Variants in PPP2R2C observed in about 807,000 individuals in gnomAD.
The protein encoded by PPP2R2C is protein phosphatase 2 regulatory subunit Bgamma, also known as protein phosphatase 2, regulatory subunit B, gamma.
PPP2R2C carries 10 observed loss-of-function variants against 45.3 expected under a neutral mutation model. The observed-to-expected ratio is 0.22, with a 90% confidence interval of 0.14 to 0.37. PPP2R2C has a LOEUF of 0.37. Ranked by LOEUF, PPP2R2C falls within the 10% of genes least tolerant of loss-of-function variation. PPP2R2C has a pLI of 1.00. For missense variants in PPP2R2C, 308 were observed against 619.7 expected (o/e 0.50, Z 5.34); for synonymous variants, 257 against 245.4 (o/e 1.05, Z -0.44).
intron 1 of PPP2R2C, among the ~76,000 whole-genome samples, chr4:6,559,430 C>G (rs960575260): frequency 3.7e-4 from 54 of 144,966 alleles, no homozygotes; most frequent in African/African-American, 1.3e-3. Context: ...CACACACACA[C>G]AGAACAGAGG....
chr4:6,407,482 C>T (rs552100404), intron 1 of PPP2R2C, among the ~76,000 whole-genome samples: 98 of 152,328 alleles, frequency 6.4e-4, no homozygotes, highest in Middle Eastern at 3.4e-3. Flanking sequence ...TGCAACCTCG[C>T]CTGCTGGGTT....
intron 2 of PPP2R2C, among the ~76,000 whole-genome samples, chr4:6,511,249 CTGATGCTGATGCTGATGCTGA>C (rs1560593284): frequency 4.0e-5 from 1 of 25,256 alleles, no homozygotes; most frequent in Non-Finnish European, 1.8e-4. Flanking sequence ...GCTGGTGATG[CTGATGCTGATGCTGATGCTGA>C]TGCTGATGCT....
rs79611405 is a variant in PPP2R2C, at chr4:6,424,706, G to A, written c.71-43612C>T. On this transcript the variant is annotated intron_variant, in intron 1 of 8. Coordinates refer to ENST00000382599, the MANE Select transcript of PPP2R2C (RefSeq NM_020416.4). ...GGAAGGGCATGGAGGCAGAGGGGCCGTGTGTGCAAGGGTTCAGGGATGGGA... is the reference window on the plus strand; with the variant it reads ...GGAAGGGCATGGAGGCAGAGGGGCCATGTGTGCAAGGGTTCAGGGATGGGA... 3.4e-3 allele frequency among the ~76,000 whole-genome samples: 516 copies of A among 152,312 alleles called. 3 individuals carry two copies. The highest frequency in any genetic ancestry group is 0.012 in the African/African-American group (499 of 41,564).
chr4:6,341,828 C>T (rs538545469), intron 6 of PPP2R2C, among the ~76,000 whole-genome samples: 41 of 152,196 alleles, frequency 2.7e-4, no homozygotes, highest in African/African-American at 8.2e-4. Flanking sequence ...GATCAGAAAA[C>T]AGCCCCACCC....
At chr4:6,472,137 G>T (rs1163851174) in intron 1 of PPP2R2C, 23 bp downstream of exon 1, 2 of 1,613,172 alleles carry the variant, frequency 1.2e-6, no homozygotes, top group African/African-American at 2.7e-5. Flanking sequence ...GGCCGGAGGG[G>T]TCTCAGACAA....
chr4:6,354,995 C>T (rs1395434986), intron 5 of PPP2R2C, among the ~76,000 whole-genome samples: 1 of 152,186 alleles, frequency 6.6e-6, no homozygotes, highest in Non-Finnish European at 1.5e-5. Context: ...TCCTGTAAAT[C>T]TCCTCTGCCC....
intron 1 of PPP2R2C, among the ~76,000 whole-genome samples, chr4:6,397,021 C>T (rs928874632): frequency 2.6e-5 from 4 of 152,244 alleles, no homozygotes; most frequent in South Asian, 2.1e-4. Flanking sequence ...TTGACTCCCG[C>T]GCACTGATGC....
In PPP2R2C at chr4:6,491,852, C is replaced by T. The variant is rs111614350; in HGVS notation, c.49+43419G>A. On this transcript the variant is annotated intron_variant, in intron 2 of 9. Coordinates refer to the PPP2R2C transcript ENST00000506140. ...TAAGCTTCCTGAGGGAAGCTTACTACCCATATTTCCTGTACAGCCTGCAGA... is the reference window on the plus strand; with the variant it reads ...TAAGCTTCCTGAGGGAAGCTTACTATCCATATTTCCTGTACAGCCTGCAGA... Among the ~76,000 whole-genome samples the T allele has an allele frequency of 1.6e-4, 24 of 152,302 alleles. 1 individual carries two copies. Among genetic ancestry groups the T allele is most frequent in the African/African-American group, 5.1e-4 (21 of 41,550 alleles).
chr4:6,357,091 T>C (rs1269708646), intron 5 of PPP2R2C, among the ~76,000 whole-genome samples: 1 of 147,054 alleles, frequency 6.8e-6, no homozygotes, highest in African/African-American at 2.6e-5. Flanking sequence ...GGCTGTCAGG[T>C]GGGACCCTGG....
At chr4:6,525,960 C>T (rs1205201034) in intron 2 of PPP2R2C, among the ~76,000 whole-genome samples, 1 of 152,222 alleles carries the variant, frequency 6.6e-6, no homozygotes. Context: ...CCTCAGCCTC[C>T]CAAAGTGCTG....
intron 1 of PPP2R2C, chr4:6,382,901 A>G: frequency 9.2e-7 from 1 of 1,086,764 alleles, no homozygotes; most frequent in Non-Finnish European, 1.1e-6. Context: ...AAAACCCTCC[A>G]GCGGCTCCCA....
intron 2 of PPP2R2C, among the ~76,000 whole-genome samples, chr4:6,511,001 A>G (rs1249587256): frequency 6.6e-6 from 1 of 150,534 alleles, no homozygotes; most frequent in African/African-American, 2.5e-5. Context: ...AAACAAACAA[A>G]AAAAAAAACA....
intron 1 of PPP2R2C, among the ~76,000 whole-genome samples, chr4:6,385,710 C>T (rs1485933184): frequency 6.6e-6 from 1 of 152,154 alleles, no homozygotes; most frequent in Non-Finnish European, 1.5e-5. Context: ...GTTGGGATTA[C>T]AGGCACCTGC....
Position 6,347,905 on chromosome 4 carries a change from T to C in PPP2R2C, c.731A>G (p.Lys244Arg). 12 of 1,612,858 alleles carry C rather than the reference T, an allele frequency of 7.4e-6. No homozygotes were observed. Among genetic ancestry groups the C allele is most frequent in the Non-Finnish European group, 1.0e-5 (12 of 1,179,660 alleles). ...HCNLFVYSSS[K>R]GSLRLCDMRA... ...CATGTCGCAGAGCCGCAGGGAGCCC[T>C]TGCTGCTGCTGTAGACGAAGAGGTT... Residue 244 changes from lysine (K) to arginine (R), a missense_variant, in exon 6 of 9, where the codon AAG becomes AGG. Physicochemically the swap from Lys to Arg is conservative, Grantham distance 26 (BLOSUM62 2). Coordinates refer to ENST00000382599, the MANE Select transcript of PPP2R2C (RefSeq NM_020416.4).
Position 6,563,030 on chromosome 4 carries a change from C to A in PPP2R2C, c.-59+530G>T, listed in dbSNP as rs1725632100. Among the ~76,000 whole-genome samples, 1 of 152,068 alleles carries A rather than the reference C, an allele frequency of 6.6e-6. No individual in the cohort carries two copies. The highest frequency in any genetic ancestry group is 2.1e-4 in the South Asian group (1 of 4,826). On this transcript the variant is annotated intron_variant, in intron 1 of 9. Coordinates refer to the PPP2R2C transcript ENST00000506140. This position sits in a 1 kb window ranked among gnomAD's most constrained non-coding sequence, Gnocchi z 5.8. ...GGGCCTGACTCAGCACCCACCGGCG[C>A]GGGCAGCGGGAGGAGCGCGTAGACG...
At position 6,357,968 on chromosome 4, in the gene PPP2R2C, C is replaced by A. The variant is rs373852496; in HGVS notation, c.626-9958G>T. ...ATCAAGCTACTAATGACTTTCTTCA[C>A]AGAACTGGAAAAAACTACTTTAAAA... On this transcript the variant is annotated intron_variant, in intron 5 of 8. Transcript: ENST00000382599. Among the ~76,000 whole-genome samples the A allele has an allele frequency of 7.2e-5, 11 of 152,298 alleles. No individual in the cohort carries two copies. The East Asian group carries it at 9.6e-4, about 13-fold the overall frequency.
chr4:6,365,722 A>AC (rs560378805), intron 5 of PPP2R2C, among the ~76,000 whole-genome samples: 2 of 151,914 alleles, frequency 1.3e-5, no homozygotes, highest in East Asian at 1.9e-4. Flanking sequence ...GAATGGCTGC[A>AC]CCCCCCTCCA....
Position 6,378,539 on chromosome 4 carries a change from C to A in PPP2R2C, c.202G>T (p.Asp68Tyr). ...KNAPHSQGEY[D>Y]VYSTFQSHEP... is the part of the protein sequence containing the mutation. ...TGGCTCTGGAAAGTGCTGTACACGT[C>A]GTATTCGCCCTGGCTGTGGGGCGCA... Residue 68 changes from aspartate (D) to tyrosine (Y), a missense_variant, in exon 3 of 9, where the codon GAC becomes TAC. Physicochemically the swap from Asp to Tyr is radical, Grantham distance 160 (BLOSUM62 -3). Coordinates refer to ENST00000382599, the MANE Select transcript of PPP2R2C (RefSeq NM_020416.4). This position sits in a 1 kb window ranked among gnomAD's most constrained non-coding sequence, Gnocchi z 5.2. 6.2e-7 allele frequency: 1 copy of A among 1,614,036 alleles called. No individual in the cohort carries two copies. The highest frequency in any genetic ancestry group is 8.5e-7 in the Non-Finnish European group (1 of 1,179,974).
chr4:6,430,462 C>T (rs535385632), intron 1 of PPP2R2C, among the ~76,000 whole-genome samples: 32 of 152,284 alleles, frequency 2.1e-4, no homozygotes, highest in African/African-American at 7.2e-4. Context: ...CGTGACTCCC[C>T]CACTCCAGAG....
Sources: allele counts gnomAD v4.1 joint callset (sites outside exome capture counted in the v4.1 genomes callset), GRCh38; gene constraint gnomAD v4.1.1; non-coding constraint Gnocchi (gnomAD v3.1); transcripts MANE v1.5; gene names NCBI Gene and HGNC (gene_info 2026-07-23, HGNC 2026-07-21).